Variants in SNX29 observed in about 807,000 individuals in gnomAD.
SNX29 encodes the protein sorting nexin-29.
Under a neutral mutation model 102.1 loss-of-function variants are expected in SNX29, and 78 were observed. That is an observed-to-expected ratio of 0.76 (90% CI 0.64 to 0.92). The LOEUF (loss-of-function observed/expected upper bound fraction) is 0.92, where lower values mean the gene tolerates loss of function less well. Among genes scored for constraint, SNX29 ranks in the 40% least tolerant of loss-of-function variants. SNX29 has a pLI of 0.00. For missense variants in SNX29, 1,280 were observed against 1,061.7 expected (o/e 1.21, Z -2.86); for synonymous variants, 580 against 414.5 (o/e 1.40, Z -4.85).
chr16:12,176,787 C>T (rs1382906175), intron 13 of SNX29, among the ~76,000 whole-genome samples: 1 of 152,164 alleles, frequency 6.6e-6, no homozygotes, highest in Non-Finnish European at 1.5e-5. Flanking sequence ...AGATTGGCTA[C>T]ATCTGAGTGT....
At chr16:12,073,147 G>T (rs2051377672) in intron 10 of SNX29, among the ~76,000 whole-genome samples, 1 of 151,736 alleles carries the variant, frequency 6.6e-6, no homozygotes, top group Non-Finnish European at 1.5e-5. Context: ...TTTTTGAAGG[G>T]TTTTTTGTGT....
chr16:12,192,506 T>G (rs2076668128), intron 13 of SNX29, among the ~76,000 whole-genome samples: 1 of 152,106 alleles, frequency 6.6e-6, no homozygotes, highest in Admixed American at 6.6e-5. Flanking sequence ...GCTTGACACC[T>G]TTTTAATTTA....
rs923114178 is a variant in SNX29 at position 12,573,747 on chromosome 16, G to C, written c.*5118G>C. The C allele has an allele frequency of 2.2e-5, 5 of 223,456 alleles. No individual in the cohort carries two copies. The highest frequency in any genetic ancestry group is 1.1e-4 in the African/African-American group (5 of 44,798). 13.8% of individuals were successfully genotyped at this position (223,456 alleles called of 1,614,324 possible). A position where few individuals can be genotyped will look rare whatever the true frequency, so the allele number is the denominator to read the frequency against. ...ATGGTGGATCGTACATTTGCACCCA[G>C]AGCTACTAAACGCTCAGTGACCCCA... is the stretch of plus-strand genomic sequence containing the variant. On this transcript the variant is annotated 3_prime_UTR_variant, in exon 21 of 21. Coordinates refer to ENST00000566228, the MANE Select transcript of SNX29 (RefSeq NM_032167.5).
chr16:12,050,163 A>C (rs1294927047), intron 7 of SNX29, among the ~76,000 whole-genome samples: 1 of 150,916 alleles, frequency 6.6e-6, no homozygotes, highest in Non-Finnish European at 1.5e-5. Context: ...CCACAGGAGT[A>C]GAAGTTCCAC....
intron 15 of SNX29, among the ~76,000 whole-genome samples, chr16:12,294,523 C>T (rs141649546): frequency 1.8e-4 from 28 of 152,284 alleles, no homozygotes; most frequent in Admixed American, 1.4e-3. Context: ...CATAGGCACC[C>T]GCCTCCCTCT....
intron 13 of SNX29, among the ~76,000 whole-genome samples, chr16:12,153,487 C>G (rs1667485376): frequency 1.3e-5 from 2 of 150,248 alleles, no homozygotes; most frequent in Admixed American, 1.3e-4. Context: ...AAACAAAAAA[C>G]AAAAAACCAA....
intron 20 of SNX29, among the ~76,000 whole-genome samples, chr16:12,542,906 G>T (rs562958852): frequency 6.6e-6 from 1 of 152,214 alleles, no homozygotes; most frequent in South Asian, 2.1e-4. Flanking sequence ...TTTGAGTAGG[G>T]AATCTTTGCT....
intron 14 of SNX29, among the ~76,000 whole-genome samples, chr16:12,262,108 C>T (rs554989237): frequency 1.7e-4 from 22 of 128,458 alleles, no homozygotes; most frequent in African/African-American, 5.4e-4. Context: ...TAAGTGTTTG[C>T]TCTGAGCTCT....
intron 16 of SNX29, among the ~76,000 whole-genome samples, chr16:12,359,645 C>A (rs192993060): frequency 6.8e-4 from 103 of 152,318 alleles, no homozygotes; most frequent in Non-Finnish European, 1.0e-3. Context: ...ATGTCCCTAT[C>A]ACTCGGCCTC....
intron 14 of SNX29, among the ~76,000 whole-genome samples, chr16:12,236,944 TG>T (rs2077952946): frequency 6.6e-6 from 1 of 151,960 alleles, no homozygotes; most frequent in South Asian, 2.1e-4. Context: ...GAAAGCCGGG[TG>T]GGGAGTAAAG....
chr16:12,517,516 C>G (rs210712), intron 19 of SNX29, among the ~76,000 whole-genome samples: 16,120 of 152,222 alleles, frequency 0.11, 1,121 homozygotes, highest in African/African-American at 0.2. Context: ...TCTGGACTTT[C>G]GCAACATCCT....
intron 13 of SNX29, among the ~76,000 whole-genome samples, chr16:12,135,297 A>G (rs1336244559): frequency 1.3e-5 from 2 of 152,224 alleles, no homozygotes; most frequent in Non-Finnish European, 2.9e-5. Flanking sequence ...AAAATTAACC[A>G]TCACACTCCC....
rs367611549 is a variant in SNX29 at position 11,984,551 on chromosome 16, G to A, written c.7+7738G>A. Among the ~76,000 whole-genome samples, 9 of 151,954 alleles carry A rather than the reference G, an allele frequency of 5.9e-5. No individual in the cohort carries two copies. The South Asian group carries it at 1.0e-3, about 18-fold the overall frequency. ...TGTACAGTCCATCATTCATCATTTTGCATGTAGTACAACTTTTAACTATTG... is the reference window on the plus strand; with the variant it reads ...TGTACAGTCCATCATTCATCATTTTACATGTAGTACAACTTTTAACTATTG... On this transcript the variant is annotated intron_variant, in intron 1 of 20. Transcript: ENST00000566228.
At chr16:12,476,002 T>G (rs8061311) in intron 18 of SNX29, among the ~76,000 whole-genome samples, 11,081 of 152,066 alleles carry the variant, frequency 0.073, 665 homozygotes, top group East Asian at 0.16. Context: ...GAATATATCA[T>G]AAGCAGGTAT....
intron 14 of SNX29, among the ~76,000 whole-genome samples, chr16:12,214,361 T>C (rs1279120327): frequency 6.6e-6 from 1 of 152,208 alleles, no homozygotes; most frequent in South Asian, 2.1e-4. Flanking sequence ...GCATTGTGTT[T>C]ATTGGTGTAG....
At chr16:12,251,737 T>G (rs1170050597) in intron 14 of SNX29, among the ~76,000 whole-genome samples, 1 of 151,920 alleles carries the variant, frequency 6.6e-6, no homozygotes, top group Non-Finnish European at 1.5e-5. Context: ...CAAACACAAA[T>G]TCATAACTAA....
At chr16:12,563,914 A>C (rs1221110510) in intron 20 of SNX29, among the ~76,000 whole-genome samples, 5 of 152,208 alleles carry the variant, frequency 3.3e-5, no homozygotes, top group South Asian at 2.1e-4. Flanking sequence ...CAGGCAGCCG[A>C]AGACCTACAA....
intron 9 of SNX29, among the ~76,000 whole-genome samples, chr16:12,063,558 T>C (rs1000381367): frequency 1.3e-5 from 2 of 151,942 alleles, no homozygotes; most frequent in African/African-American, 4.8e-5. Flanking sequence ...TTTGTATTTT[T>C]AGTAGAGATG....
At chr16:12,515,903 T>C (rs577224122) in intron 19 of SNX29, among the ~76,000 whole-genome samples, 1 of 152,200 alleles carries the variant, frequency 6.6e-6, no homozygotes, top group South Asian at 2.1e-4. Context: ...ACGAGTTAAC[T>C]TCTCATTCAT....
Sources: gnomAD v4.1 joint callset for allele counts (sites outside exome capture counted in the v4.1 genomes callset) on GRCh38, gnomAD v4.1.1 for gene constraint, MANE v1.5 for transcripts, NCBI Gene and HGNC (gene_info 2026-07-23, HGNC 2026-07-21) for gene names.